The following TASP1 variants were observed in gnomAD, a reference collection of about 807,000 sequenced individuals.
The protein encoded by TASP1 is taspase 1.
TASP1 carries 16 observed loss-of-function variants against 56.6 expected under a neutral mutation model. That is an observed-to-expected ratio of 0.28 (90% CI 0.19 to 0.43). The LOEUF (loss-of-function observed/expected upper bound fraction) is 0.43, where lower values mean the gene tolerates loss of function less well. TASP1 is among the 20% of genes least tolerant of loss of function. TASP1 has a pLI of 1.00. For missense variants in TASP1, 393 were observed against 511.6 expected, an observed-to-expected ratio of 0.77 and a Z score of 2.24; for synonymous variants, 179 against 184.2, an observed-to-expected ratio of 0.97 and a Z score of 0.23.
intron 7 of TASP1, among the ~76,000 whole-genome samples, chr20:13,562,516 A>G (rs2046375908): frequency 6.6e-6 from 1 of 152,000 alleles, no homozygotes; most frequent in Admixed American, 6.6e-5. Flanking sequence ...TTAACTAAGA[A>G]AAAAAAAGAC....
At chr20:13,457,163 CT>C (rs2043874108) in intron 11 of TASP1, among the ~76,000 whole-genome samples, 1 of 151,984 alleles carries the variant, frequency 6.6e-6, no homozygotes, top group Non-Finnish European at 1.5e-5. Flanking sequence ...GGAGAAATAC[CT>C]AATGTAAATG....
At chr20:13,276,193 C>G in the TASP1 span, among the ~76,000 whole-genome samples, 1 of 152,178 alleles carries the variant, frequency 6.6e-6, no homozygotes, top group African/African-American at 2.4e-5. Flanking sequence ...TGGAAAATAC[C>G]TGCCCACTCC....
chr20:13,578,584 CT>C (rs1358622818), intron 6 of TASP1, among the ~76,000 whole-genome samples: 1 of 151,868 alleles, frequency 6.6e-6, no homozygotes, highest in Non-Finnish European at 1.5e-5. Context: ...ATATTTTTTC[CT>C]AATATTTTTA....
the TASP1 span, among the ~76,000 whole-genome samples, chr20:13,360,126 G>A: frequency 1.1e-4 from 17 of 151,534 alleles, no homozygotes; most frequent in African/African-American, 3.4e-4. Flanking sequence ...TATCCACCCC[G>A]TGGTGCCAAA....
At chr20:13,407,902 T>C (rs1275162336) in intron 13 of TASP1, among the ~76,000 whole-genome samples, 2 of 152,212 alleles carry the variant, frequency 1.3e-5, no homozygotes, top group Non-Finnish European at 2.9e-5. Context: ...TACTCAGATC[T>C]CATGCCCATT....
At chr20:13,217,542 C>A in the TASP1 span, among the ~76,000 whole-genome samples, 1 of 151,818 alleles carries the variant, frequency 6.6e-6, no homozygotes, top group African/African-American at 2.4e-5. Context: ...GTCAAATAAG[C>A]CTGCCTGTAA....
intron 10 of TASP1, among the ~76,000 whole-genome samples, chr20:13,491,932 A>T (rs1401466176): frequency 6.6e-6 from 1 of 152,236 alleles, no homozygotes; most frequent in African/African-American, 2.4e-5. Context: ...GGACCTCAAA[A>T]TAAGATTAGG....
the TASP1 span, among the ~76,000 whole-genome samples, chr20:13,156,430 T>C: frequency 1.3e-5 from 2 of 152,226 alleles, no homozygotes; most frequent in African/African-American, 4.8e-5. Context: ...AGTTATGCTC[T>C]ATGGTGTGAT....
chr20:13,516,789 T>C (rs2044554931), intron 10 of TASP1, among the ~76,000 whole-genome samples: 1 of 151,276 alleles, frequency 6.6e-6, no homozygotes, highest in Non-Finnish European at 1.5e-5. Context: ...AATTAAAACA[T>C]CAAAAGTGCA....
chr20:13,122,019 G>T, the TASP1 span, among the ~76,000 whole-genome samples: 1 of 152,166 alleles, frequency 6.6e-6, no homozygotes, highest in Non-Finnish European at 1.5e-5. Context: ...TCTGATCTTT[G>T]TCAGTGATGG....
At chr20:13,251,561 G>A in the TASP1 span, among the ~76,000 whole-genome samples, 2 of 152,216 alleles carry the variant, frequency 1.3e-5, no homozygotes, top group Non-Finnish European at 2.9e-5. Flanking sequence ...GAGAGAAAGT[G>A]AGGTGCAGGG....
At chr20:13,143,957 C>G in the TASP1 span, among the ~76,000 whole-genome samples, 5 of 152,320 alleles carry the variant, frequency 3.3e-5, no homozygotes, top group East Asian at 1.9e-4. Flanking sequence ...TCATCCTGAT[C>G]CATGCACTAT....
At chr20:13,596,061 G>C (rs1240743350) in intron 4 of TASP1, among the ~76,000 whole-genome samples, 4 of 152,134 alleles carry the variant, frequency 2.6e-5, no homozygotes, top group African/African-American at 7.2e-5. Flanking sequence ...TAGAACTCAG[G>C]ATTAAGAAAC....
At chr20:13,458,258 T>C (rs2043919146) in intron 11 of TASP1, among the ~76,000 whole-genome samples, 1 of 152,146 alleles carries the variant, frequency 6.6e-6, no homozygotes, top group Non-Finnish European at 1.5e-5. Context: ...GAGTGAACAG[T>C]ATTGTTTTGA....
the TASP1 span, chr20:13,221,876 G>A: frequency 7.1e-7 from 1 of 1,413,652 alleles, no homozygotes; most frequent in Non-Finnish European, 9.2e-7. Context: ...CGACGGGCCC[G>A]ACGCGGCCGC....
chr20:13,457,907 C>T (rs2043906315), intron 11 of TASP1, among the ~76,000 whole-genome samples: 1 of 152,192 alleles, frequency 6.6e-6, no homozygotes, highest in African/African-American at 2.4e-5. Flanking sequence ...AAAGACCCTA[C>T]ACCCACAGAA....
chr20:13,510,875 C>T (rs6042183), intron 10 of TASP1, among the ~76,000 whole-genome samples: 37,054 of 152,038 alleles, frequency 0.24, 4,630 homozygotes, highest in Middle Eastern at 0.3. Context: ...TTGGTTCATC[C>T]TTATTACTGA....
chr20:13,546,828 T>A (rs1001338417), intron 8 of TASP1, among the ~76,000 whole-genome samples: 3 of 152,204 alleles, frequency 2.0e-5, no homozygotes, highest in Non-Finnish European at 4.4e-5. Context: ...TACTTACATA[T>A]TATCTTACAT....
intron 10 of TASP1, among the ~76,000 whole-genome samples, chr20:13,498,267 C>T (rs2043803559): frequency 6.6e-6 from 1 of 151,154 alleles, no homozygotes; most frequent in South Asian, 2.1e-4. Context: ...ACTCAATAAA[C>T]TAAAAACAAA....
Sources: allele counts gnomAD v4.1 joint callset (sites outside exome capture counted in the v4.1 genomes callset), GRCh38; gene constraint gnomAD v4.1.1; transcripts MANE v1.5; gene names NCBI Gene and HGNC (gene_info 2026-07-23, HGNC 2026-07-21).